SPAG16: variants seen among roughly 807,000 people sequenced by gnomAD.
SPAG16 encodes the protein sperm-associated antigen 16 protein.
Under a neutral mutation model 80.4 loss-of-function variants are expected in SPAG16, and 86 were observed. The observed-to-expected ratio is 1.07, with a 90% CI of 0.90 to 1.28. The LOEUF (loss-of-function observed/expected upper bound fraction) is 1.28, where lower values mean the gene tolerates loss of function less well. SPAG16 is among the 50% of genes most tolerant of loss of function. SPAG16 has a pLI of 0.00. For missense variants in SPAG16, 870 were observed against 765.3 expected (o/e 1.14, Z -1.61); for synonymous variants, 294 against 265.9 (o/e 1.11, Z -1.03).
At chr2:213,302,476 T>C (rs952009487) in intron 3 of SPAG16, 2 of 152,152 alleles carry the variant, frequency 1.3e-5, no homozygotes, top group Admixed American at 1.3e-4. Context: ...GTTCAGTTCC[T>C]CAAGACAGAA....
intron 10 of SPAG16, among the ~76,000 whole-genome samples, chr2:213,708,090 A>G (rs569351343): frequency 1.3e-5 from 2 of 152,334 alleles, no homozygotes; most frequent in East Asian, 3.9e-4. Flanking sequence ...AGACTGATCC[A>G]AAATTTTTAT....
intron 9 of SPAG16, among the ~76,000 whole-genome samples, chr2:213,426,770 TGTG>T: frequency 6.6e-6 from 1 of 150,682 alleles, no homozygotes; most frequent in South Asian, 2.1e-4. Flanking sequence ...TGTGTGTGTG[TGTG>T]TGTGTGTGTG....
intron 15 of SPAG16, among the ~76,000 whole-genome samples, chr2:214,388,043 A>G (rs953481879): frequency 2.0e-5 from 3 of 152,182 alleles, no homozygotes; most frequent in Non-Finnish European, 4.4e-5. Flanking sequence ...ATAAAATGCT[A>G]AAATTATCCT....
At chr2:213,583,710 C>T (rs897336186) in intron 10 of SPAG16, among the ~76,000 whole-genome samples, 1 of 152,060 alleles carries the variant, frequency 6.6e-6, no homozygotes, top group African/African-American at 2.4e-5. Flanking sequence ...AGAAAAAAAG[C>T]AATAGTTTTT....
intron 13 of SPAG16, among the ~76,000 whole-genome samples, chr2:214,092,092 A>G (rs894916820): frequency 1.3e-5 from 2 of 152,124 alleles, no homozygotes; most frequent in Non-Finnish European, 2.9e-5. Context: ...TTGACTATAT[A>G]GTAGGCAAAG....
chr2:213,418,290 C>T (rs955230466), intron 9 of SPAG16, among the ~76,000 whole-genome samples: 2 of 152,120 alleles, frequency 1.3e-5, no homozygotes, highest in Non-Finnish European at 2.9e-5. Flanking sequence ...CACACATGTA[C>T]ACTTCTACCC....
At chr2:213,996,429 A>G (rs1456393322) in intron 12 of SPAG16, among the ~76,000 whole-genome samples, 1 of 152,220 alleles carries the variant, frequency 6.6e-6, no homozygotes, top group African/African-American at 2.4e-5. Flanking sequence ...CTGTAAAATC[A>G]GGACTGTCAG....
At chr2:213,984,383 T>C (rs756863259) in intron 12 of SPAG16, among the ~76,000 whole-genome samples, 56 of 152,082 alleles carry the variant, frequency 3.7e-4, no homozygotes, top group Admixed American at 9.2e-4. Flanking sequence ...ATATACAAAA[T>C]GCTATGCAGT....
chr2:214,104,990 G>A (rs1414198276), intron 13 of SPAG16, among the ~76,000 whole-genome samples: 1 of 152,008 alleles, frequency 6.6e-6, no homozygotes, highest in Non-Finnish European at 1.5e-5. Flanking sequence ...AGAGAATAAG[G>A]CCACCGACAT....
chr2:213,508,464 G>C (rs1429563332), intron 10 of SPAG16, among the ~76,000 whole-genome samples: 1 of 152,090 alleles, frequency 6.6e-6, no homozygotes, highest in Non-Finnish European at 1.5e-5. Flanking sequence ...CCCAGCTACT[G>C]GGGAGGCTGA....
chr2:214,138,202 A>T, intron 14 of SPAG16, among the ~76,000 whole-genome samples: 1 of 152,140 alleles, frequency 6.6e-6, no homozygotes, highest in Non-Finnish European at 1.5e-5. Context: ...TTAGACAAAA[A>T]ATATAAATTT....
At chr2:213,957,928 C>T (rs544579837) in intron 12 of SPAG16, among the ~76,000 whole-genome samples, 1 of 152,250 alleles carries the variant, frequency 6.6e-6, no homozygotes, top group South Asian at 2.1e-4. Flanking sequence ...AGAAAAGCCC[C>T]GACTGGGAGG....
chr2:213,368,752 G>A (rs918337488), intron 8 of SPAG16, among the ~76,000 whole-genome samples: 1 of 152,156 alleles, frequency 6.6e-6, no homozygotes, highest in Non-Finnish European at 1.5e-5. Context: ...AAAATCACAA[G>A]TATTCTTATA....
chr2:213,634,964 A>G (rs548469005), intron 10 of SPAG16, among the ~76,000 whole-genome samples: 36 of 151,912 alleles, frequency 2.4e-4, no homozygotes, highest in African/African-American at 8.4e-4. Flanking sequence ...CATGGTACAT[A>G]TATATATACT....
At chr2:214,277,863 A>C (rs1576660409) in intron 15 of SPAG16, among the ~76,000 whole-genome samples, 1 of 152,236 alleles carries the variant, frequency 6.6e-6, no homozygotes, top group Admixed American at 6.5e-5. Flanking sequence ...GGGACGTTTA[A>C]GTCTGCAGAA....
intron 9 of SPAG16, among the ~76,000 whole-genome samples, chr2:213,451,251 G>A (rs1271824006): frequency 6.6e-6 from 1 of 152,116 alleles, no homozygotes; most frequent in Non-Finnish European, 1.5e-5. Flanking sequence ...TTTTAAATGA[G>A]AAAAAGATCC....
intron 13 of SPAG16, among the ~76,000 whole-genome samples, chr2:214,092,647 CTT>C (rs2052298853): frequency 6.6e-6 from 1 of 151,904 alleles, no homozygotes; most frequent in Non-Finnish European, 1.5e-5. Context: ...TGATAATTAA[CTT>C]ATTCATATTT....
rs762137286 is a variant in SPAG16, at chr2:213,310,169, G to T, written c.390G>T (p.Gln130His). The change falls in exon 4 of 16, where the codon CAG (glutamine) becomes CAT (histidine). Residue 130 changes from glutamine to histidine, a missense_variant. By Grantham distance (24) the Gln-to-His change is conservative. Transcript: ENST00000331683. ...MGMTRTLDCF[Q>H]SEWYELIQKG... ...TGACCAGAACTCTTGATTGCTTTCA[G>T]TCTGAATGGTAAACAATTATGTAGA... 10 of 1,591,364 alleles carry T rather than the reference G, an allele frequency of 6.3e-6. No homozygotes were observed. The African/African-American group carries it at 1.3e-4, about 21-fold the overall frequency.
intron 10 of SPAG16, among the ~76,000 whole-genome samples, chr2:213,573,455 G>C (rs1386853301): frequency 1.3e-5 from 2 of 152,174 alleles, no homozygotes; most frequent in African/African-American, 2.4e-5. Flanking sequence ...ATCTGTACAT[G>C]ATGGGTACAT....
Sources: gnomAD v4.1 joint callset for allele counts (sites outside exome capture counted in the v4.1 genomes callset) on GRCh38, gnomAD v4.1.1 for gene constraint, MANE v1.5 for transcripts, NCBI Gene and HGNC (gene_info 2026-07-23, HGNC 2026-07-21) for gene names.